Variants in PUM3 observed in about 807,000 individuals in gnomAD.
PUM3 encodes the protein pumilio RNA binding family member 3.
Under a neutral mutation model 84.0 loss-of-function variants are expected in PUM3, and 91 were observed. The observed-to-expected ratio is 1.08, with a 90% CI of 0.91 to 1.29. The LOEUF (loss-of-function observed/expected upper bound fraction) is 1.29, where lower values mean the gene tolerates loss of function less well. Among genes scored for constraint, PUM3 ranks in the 50% most tolerant of loss-of-function variants. The probability of loss-of-function intolerance (pLI) is 0.00; values close to 1 mark genes in which losing one functional copy is unlikely to be tolerated. For synonymous variants in PUM3, 321 were observed against 266.7 expected (o/e 1.20, Z -1.98); for missense variants, 1,067 against 767.5 (o/e 1.39, Z -4.61).
intron 13 of PUM3, among the ~76,000 whole-genome samples, chr9:2,812,914 G>A (rs562344527): frequency 8.5e-5 from 13 of 152,292 alleles, no homozygotes; most frequent in East Asian, 5.8e-4. Context: ...ATGTAGCACC[G>A]GCATGAATGA....
intron 12 of PUM3, among the ~76,000 whole-genome samples, chr9:2,822,234 T>TATGA (rs1247890219): frequency 4.6e-5 from 7 of 152,178 alleles, no homozygotes; most frequent in African/African-American, 1.7e-4. Context: ...ACACTGATGG[T>TATGA]ATGAACACTG....
chr9:2,836,984 G>A lies in PUM3; in HGVS notation c.304+196C>T, dbSNP rs529456620. Among the ~76,000 whole-genome samples the A allele has an allele frequency of 3.2e-4, 48 of 152,246 alleles. 2 individuals carry two copies. The South Asian group carries it at 9.5e-3, about 30-fold the overall frequency. On this transcript the variant is annotated intron_variant, in intron 3 of 17. Coordinates refer to ENST00000397885, the MANE Select transcript of PUM3 (RefSeq NM_014878.5). ...CATGGCTAAGGTAATTCAGAAAAGG[G>A]CTAAGAAATAAGAAACTCTAAGCAC... is the stretch of plus-strand genomic sequence containing the variant.
At chr9:2,807,961 C>G in intron 16 of PUM3, 57 bp from the exon 17 acceptor site, 2 of 1,103,848 alleles carry the variant, frequency 1.8e-6, no homozygotes, top group Non-Finnish European at 2.7e-6. Flanking sequence ...TACTCCCTAC[C>G]CCCTTCTCTA....
chr9:2,829,169 T>C (rs1419010099), intron 8 of PUM3, among the ~76,000 whole-genome samples: 2 of 152,242 alleles, frequency 1.3e-5, no homozygotes, highest in South Asian at 2.1e-4. Context: ...AACCCAAGAA[T>C]TGAACCTGGC....
chr9:2,817,568 G>A (rs1011099919), intron 13 of PUM3, among the ~76,000 whole-genome samples: 1 of 152,058 alleles, frequency 6.6e-6, no homozygotes, highest in Non-Finnish European at 1.5e-5. Flanking sequence ...CATTTATACA[G>A]AACTTGCAAA....
At chr9:2,804,878 C>T (rs1821229345) in intron 17 of PUM3, among the ~76,000 whole-genome samples, 1 of 152,130 alleles carries the variant, frequency 6.6e-6, no homozygotes, top group South Asian at 2.1e-4. Flanking sequence ...AGCAGACAGC[C>T]AAAATATGCC....
At chr9:2,810,825 T>G (rs1034276375) in intron 15 of PUM3, among the ~76,000 whole-genome samples, 1 of 152,180 alleles carries the variant, frequency 6.6e-6, no homozygotes, top group Non-Finnish European at 1.5e-5. Context: ...CAATGCTGCA[T>G]GCTGTTTAAG....
chr9:2,831,221 A>G, intron 6 of PUM3, 30 bp downstream of exon 6: 1 of 1,413,070 alleles, frequency 7.1e-7, no homozygotes, highest in Non-Finnish European at 9.9e-7. Context: ...ATTGCAAATG[A>G]TAACATAATC....
At chr9:2,837,148 A>G (rs1586728893) in intron 3 of PUM3, 32 bp downstream of exon 3, 1 of 1,559,104 alleles carries the variant, frequency 6.4e-7, no homozygotes. Flanking sequence ...TCGTTCAGGC[A>G]CTAGTTCAGG....
In PUM3 at chr9:2,829,879, C is replaced by T. The variant is rs144247869; in HGVS notation, c.747G>A (p.Ala249=). 217 of 1,613,892 alleles carry T rather than the reference C, an allele frequency of 1.3e-4. No individual in the cohort carries two copies. The highest frequency in any genetic ancestry group is 1.6e-4 in the Non-Finnish European group (191 of 1,179,824). The change falls in exon 8 of 18, where the codon GCG becomes GCA. Residue 249 remains alanine, a synonymous_variant. Coordinates refer to ENST00000397885, the MANE Select transcript of PUM3 (RefSeq NM_014878.5). ...CGTACTCCACGATGGCTGATGCTTC[C>T]GCATGCCGCAGCATCTTCCTCACGT... ...KGHVRKMLRH[A]EASAIVEYAY... is the part of the protein sequence containing the mutation.
In PUM3 at chr9:2,837,352, A is replaced by T; in HGVS notation, c.132T>A (p.Gly44=). 1 of 1,613,882 alleles carries T rather than the reference A, an allele frequency of 6.2e-7. No individual in the cohort carries two copies. The highest frequency in any genetic ancestry group is 8.5e-7 in the Non-Finnish European group (1 of 1,179,844). The change falls in exon 3 of 18, where the codon GGT becomes GGA. Residue 44 remains glycine (G), a synonymous_variant. Transcript: ENST00000397885. The part of the protein sequence containing the change: ...TFPTRKVAKE[G]GPKVTSRNFE... ...AGTTCCTAGATGTGACTTTAGGTCC[A>T]CCTTCTTTAGCAACTTTCCTTGTTG...
chr9:2,805,848 G>A (rs1217196433), intron 17 of PUM3, among the ~76,000 whole-genome samples: 1 of 151,228 alleles, frequency 6.6e-6, no homozygotes, highest in Non-Finnish European at 1.5e-5. Context: ...ATTTTCCCAA[G>A]GCTATGCACT....
intron 1 of PUM3, among the ~76,000 whole-genome samples, chr9:2,843,568 CCCTT>C (rs1296102278): frequency 1.3e-5 from 2 of 148,560 alleles, no homozygotes; most frequent in Admixed American, 6.7e-5. Flanking sequence ...CGGAGTCCCG[CCCTT>C]CTTTTTTTTT....
chr9:2,817,012 A>T (rs1056877934), intron 13 of PUM3, among the ~76,000 whole-genome samples: 1 of 152,226 alleles, frequency 6.6e-6, no homozygotes, highest in African/African-American at 2.4e-5. Context: ...CTGAGTGGGA[A>T]ATAGGAACAC....
chr9:2,809,654 G>A (rs1312926859), intron 16 of PUM3, among the ~76,000 whole-genome samples: 1 of 152,062 alleles, frequency 6.6e-6, no homozygotes, highest in African/African-American at 2.4e-5. Context: ...CTCAGTAGGG[G>A]AAAAAAATCT....
chr9:2,833,771 G>A (rs932240920), intron 4 of PUM3, among the ~76,000 whole-genome samples: 3 of 152,132 alleles, frequency 2.0e-5, no homozygotes, highest in African/African-American at 7.2e-5. Flanking sequence ...CATTTTCTCA[G>A]AAATCTCTCA....
intron 1 of PUM3, among the ~76,000 whole-genome samples, chr9:2,838,725 A>C (rs1308464087): frequency 6.6e-6 from 1 of 152,206 alleles, no homozygotes; most frequent in African/African-American, 2.4e-5. Context: ...GTATCAATAA[A>C]AAAACTAAGA....
At chr9:2,841,979 G>C (rs1427608561) in intron 1 of PUM3, among the ~76,000 whole-genome samples, 2 of 152,134 alleles carry the variant, frequency 1.3e-5, no homozygotes. Context: ...AAGTCCCCTG[G>C]TACAGCTCCT....
At chr9:2,839,002 C>T (rs1017291968) in intron 1 of PUM3, among the ~76,000 whole-genome samples, 5 of 152,150 alleles carry the variant, frequency 3.3e-5, no homozygotes, top group African/African-American at 1.2e-4. Context: ...TGAAAGATTC[C>T]TATGCAATCC....
Sources: allele counts gnomAD v4.1 joint callset (sites outside exome capture counted in the v4.1 genomes callset), GRCh38; gene constraint gnomAD v4.1.1; transcripts MANE v1.5; gene names NCBI Gene and HGNC (gene_info 2026-07-23, HGNC 2026-07-21).